The following DLG1 variants were observed in gnomAD, a reference collection of about 807,000 sequenced individuals.
DLG1 encodes disks large homolog 1.
A neutral mutation model predicts 123.4 loss-of-function variants in DLG1; 42 were observed. The ratio of observed to expected loss-of-function variants is 0.34; its 90% confidence interval spans 0.27 to 0.44. The LOEUF (loss-of-function observed/expected upper bound fraction) is 0.44. Ranked by LOEUF, DLG1 falls within the 20% of genes least tolerant of loss-of-function variation. The pLI is 1.00. For missense variants in DLG1, 942 were observed against 1,082.6 expected (o/e 0.87, Z 1.82); for synonymous variants, 317 against 356.2 (o/e 0.89, Z 1.24).
At chr3:197,161,788 G>A (rs753792770) in intron 5 of DLG1, 2 of 1,154,776 alleles carry the variant, frequency 1.7e-6, no homozygotes, top group East Asian at 2.6e-5. Flanking sequence ...AAATAAAAGG[G>A]AAACACATAA....
intron 13 of DLG1, among the ~76,000 whole-genome samples, chr3:197,108,818 C>G (rs1458767592): frequency 6.6e-6 from 1 of 152,140 alleles, no homozygotes; most frequent in Non-Finnish European, 1.5e-5. Flanking sequence ...TCTACTTTAT[C>G]AACATCTTTG....
rs910765229 is a variant in DLG1, at chr3:197,298,604, C to T, written c.-100G>A. 2.5e-6 allele frequency: 1 copy of T among 398,360 alleles called. No individual in the cohort carries two copies. The highest frequency in any genetic ancestry group is 2.1e-5 in the African/African-American group (1 of 48,582). 24.7% of individuals were successfully genotyped at this position (398,360 alleles called of 1,614,324 possible). On this transcript the variant is annotated 5_prime_UTR_variant, in exon 1 of 25. Coordinates refer to ENST00000667157, the MANE Select transcript of DLG1 (RefSeq NM_001366207.1). Reference sequence around the variant, plus strand: ...CGCGGCAGAGACAGCGCCTGGCGACCCCGGGGGTAGATCCCCACCGGGGAA... The same window carrying T: ...CGCGGCAGAGACAGCGCCTGGCGACTCCGGGGGTAGATCCCCACCGGGGAA...
chr3:197,239,357 C>A (rs1447732504), intron 4 of DLG1, among the ~76,000 whole-genome samples: 1 of 152,080 alleles, frequency 6.6e-6, no homozygotes, highest in Non-Finnish European at 1.5e-5. Flanking sequence ...AAGAAAAGTC[C>A]TGGACCTGAA....
intron 4 of DLG1, among the ~76,000 whole-genome samples, chr3:197,266,033 G>A (rs116497306): frequency 0.037 from 5,604 of 152,174 alleles, 165 homozygotes; most frequent in South Asian, 0.051. Flanking sequence ...CTGGGCAACG[G>A]GGCAAGACTC....
Position 197,046,900 on chromosome 3 carries a change from AAACAAAAAACAAAACG to A in DLG1, c.2576-2187_2576-2172del, listed in dbSNP as rs1466160985. Among the ~76,000 whole-genome samples the A allele has an allele frequency of 8.5e-5, 11 of 129,394 alleles. 1 individual carries two copies. Among genetic ancestry groups the A allele is most frequent in the African/African-American group, 4.6e-4 (11 of 23,798 alleles). 84.9% of individuals were successfully genotyped at this position (129,394 alleles called of 152,430 possible). On this transcript the variant is annotated intron_variant, in intron 24 of 24. Transcript: ENST00000667157. ...AAAACAAAAGACAAAAAACAAAACG[AAACAAAAAACAAAACG>A]AAACAAAAAACAACAAAAAATCCCC...
At chr3:197,156,522 A>T (rs555523365) in intron 5 of DLG1, among the ~76,000 whole-genome samples, 40 of 152,176 alleles carry the variant, frequency 2.6e-4, no homozygotes, top group South Asian at 6.2e-4. Flanking sequence ...GGCAGAATAA[A>T]AATTTTAAAA....
intron 5 of DLG1, among the ~76,000 whole-genome samples, chr3:197,153,886 C>T (rs994494915): frequency 2.0e-5 from 3 of 151,908 alleles, no homozygotes; most frequent in Non-Finnish European, 4.4e-5. Flanking sequence ...AAAAGAAAAC[C>T]CTGGAGAAGA....
In DLG1 at chr3:197,297,225, A is replaced by C; in HGVS notation, c.-21T>G. On this transcript the variant is annotated 5_prime_UTR_variant, in exon 2 of 25. Coordinates refer to ENST00000667157, the MANE Select transcript of DLG1 (RefSeq NM_001366207.1). The stretch of plus-strand genomic sequence containing the variant: ...GGCATTTTTCTCCAGAATCAGGAAG[A>C]GGGCACACACCTTTAAAACACACAA... The C allele has an allele frequency of 6.2e-7, 1 of 1,614,122 alleles. No homozygotes were observed. The highest frequency in any genetic ancestry group is 8.5e-7 in the Non-Finnish European group (1 of 1,180,026).
At chr3:197,048,149 A>G (rs1321549965) in intron 24 of DLG1, among the ~76,000 whole-genome samples, 5 of 152,174 alleles carry the variant, frequency 3.3e-5, no homozygotes, top group African/African-American at 1.2e-4. Flanking sequence ...AAAGTGCTCA[A>G]CCTCATTAAT....
chr3:197,227,474 CA>C (rs371303415), intron 4 of DLG1, among the ~76,000 whole-genome samples: 2 of 148,154 alleles, frequency 1.3e-5, no homozygotes, highest in South Asian at 2.1e-4. Flanking sequence ...GACTCCATCT[CA>C]AAAAAAAACC....
In DLG1 at chr3:197,162,298, G is replaced by A. The variant is rs188008330; in HGVS notation, c.484-12502C>T. ...TATCTGGCAAAAATGAAAAAACAAC[G>A]TAGAGAGAACCTGGTATAAATTAAA... On this transcript the variant is annotated intron_variant, in intron 5 of 24. Transcript: ENST00000667157. Among the ~76,000 whole-genome samples, 45 of 151,862 alleles carry A rather than the reference G, an allele frequency of 3.0e-4. No individual in the cohort carries two copies. In the East Asian group the frequency reaches 6.9e-3, roughly 23 times the overall value.
intron 11 of DLG1, among the ~76,000 whole-genome samples, chr3:197,120,953 A>G (rs1404745539): frequency 6.6e-6 from 1 of 152,226 alleles, no homozygotes; most frequent in Non-Finnish European, 1.5e-5. Flanking sequence ...ATTGGTATGT[A>G]GCCCTCAATC....
At chr3:197,237,029 G>A (rs1222209425) in intron 4 of DLG1, among the ~76,000 whole-genome samples, 4 of 152,158 alleles carry the variant, frequency 2.6e-5, no homozygotes, top group East Asian at 3.9e-4. Context: ...AATAACTAGC[G>A]TCTGGGAGCT....
At chr3:197,296,972 T>A in intron 2 of DLG1, 1 of 568,288 alleles carries the variant, frequency 1.8e-6, no homozygotes, top group Non-Finnish European at 3.1e-6. Context: ...GCTAACTGCC[T>A]CTCTTAATCA....
chr3:197,258,400 C>A (rs1396292991), intron 4 of DLG1, among the ~76,000 whole-genome samples: 1 of 115,126 alleles, frequency 8.7e-6, no homozygotes, highest in African/African-American at 3.4e-5. Flanking sequence ...AAGTCAGATT[C>A]TTCATTGTGA....
At chr3:197,237,155 C>T (rs889588836) in intron 4 of DLG1, among the ~76,000 whole-genome samples, 17 of 152,194 alleles carry the variant, frequency 1.1e-4, no homozygotes, top group East Asian at 3.9e-4. Flanking sequence ...TGAAAGAGAG[C>T]GTAGACACTT....
intron 23 of DLG1, among the ~76,000 whole-genome samples, chr3:197,052,276 G>A (rs889660845): frequency 6.6e-6 from 1 of 151,690 alleles, no homozygotes; most frequent in Non-Finnish European, 1.5e-5. Flanking sequence ...CCAACAAGAC[G>A]AAACCCCGAC....
intron 5 of DLG1, among the ~76,000 whole-genome samples, chr3:197,191,341 T>C (rs930683285): frequency 6.6e-6 from 1 of 152,222 alleles, no homozygotes; most frequent in African/African-American, 2.4e-5. Flanking sequence ...AACATTGTTT[T>C]ATCTGCTTAG....
At chr3:197,219,086 C>T (rs971967868) in intron 4 of DLG1, among the ~76,000 whole-genome samples, 5 of 151,682 alleles carry the variant, frequency 3.3e-5, no homozygotes, top group African/African-American at 1.2e-4. Flanking sequence ...GGCCGAGATG[C>T]GCCACTGCAC....
Sources: gnomAD v4.1 joint callset for allele counts (sites outside exome capture counted in the v4.1 genomes callset) on GRCh38, gnomAD v4.1.1 for gene constraint, MANE v1.5 for transcripts, NCBI Gene and HGNC (gene_info 2026-07-23, HGNC 2026-07-21) for gene names.